Variants in CHRM3 observed in about 807,000 individuals in gnomAD.
CHRM3 encodes cholinergic receptor muscarinic 3.
CHRM3 carries 11 observed loss-of-function variants against 41.8 expected under a neutral mutation model. That is an observed-to-expected ratio of 0.26 (90% CI 0.17 to 0.44). The LOEUF (loss-of-function observed/expected upper bound fraction) is 0.44. CHRM3 is among the 20% of genes least tolerant of loss of function. CHRM3 has a pLI of 1.00. For missense variants in CHRM3, 571 were observed against 745.4 expected (o/e 0.77, Z 2.72); for synonymous variants, 297 against 301.4 (o/e 0.99, Z 0.15).
intron 6 of CHRM3, among the ~76,000 whole-genome samples, chr1:239,851,866 A>G (rs919793715): frequency 3.9e-5 from 6 of 152,124 alleles, no homozygotes; most frequent in African/African-American, 1.4e-4. Context: ...AGGCTTTCCT[A>G]TCATCTCGTA....
chr1:239,844,044 A>ATAT (rs1674063303), intron 6 of CHRM3, among the ~76,000 whole-genome samples: 1 of 152,210 alleles, frequency 6.6e-6, no homozygotes, highest in Admixed American at 6.5e-5. Flanking sequence ...GCTGATTAGC[A>ATAT]TATGCATTAC....
At chr1:239,532,341 G>C (rs1657693562) in intron 2 of CHRM3, among the ~76,000 whole-genome samples, 2 of 147,116 alleles carry the variant, frequency 1.4e-5, no homozygotes, top group Non-Finnish European at 3.0e-5. Context: ...AAATATGTAG[G>C]AGTTGGCCAG....
At chr1:239,580,834 T>A (rs2148588264) in intron 3 of CHRM3, among the ~76,000 whole-genome samples, 1 of 151,248 alleles carries the variant, frequency 6.6e-6, no homozygotes, top group Admixed American at 6.6e-5. Flanking sequence ...GATTTTTACA[T>A]GCAGAAATTT....
intron 2 of CHRM3, among the ~76,000 whole-genome samples, chr1:239,538,089 AG>A (rs1358182290): frequency 3.9e-5 from 6 of 152,234 alleles, no homozygotes; most frequent in African/African-American, 1.4e-4. Context: ...GAAGAAGGAA[AG>A]GAAGAGGGGA....
chr1:239,596,737 A>G (rs1664824205), intron 3 of CHRM3, among the ~76,000 whole-genome samples: 1 of 152,210 alleles, frequency 6.6e-6, no homozygotes, highest in African/African-American at 2.4e-5. Context: ...CACATTCTGA[A>G]CAAACAGATG....
intron 5 of CHRM3, among the ~76,000 whole-genome samples, chr1:239,761,108 G>A (rs685550): frequency 0.7 from 106,570 of 151,742 alleles, 38,387 homozygotes; most frequent in Non-Finnish European, 0.78. Context: ...GTTTCTTTGC[G>A]ATGTTTAATA....
intron 1 of CHRM3, among the ~76,000 whole-genome samples, chr1:239,438,759 G>T (rs1454001341): frequency 6.6e-6 from 1 of 152,130 alleles, no homozygotes; most frequent in Non-Finnish European, 1.5e-5. Context: ...TCTGATAAGT[G>T]TGCATCTAAA....
rs185656442 is a variant in CHRM3, at chr1:239,574,882, T to G, written c.-313+29133T>G. On this transcript the variant is annotated intron_variant, in intron 3 of 6. Coordinates refer to ENST00000676153, the MANE Select transcript of CHRM3 (RefSeq NM_001375978.1). ...AATACCCTGTGGCATATATTAGGCA[T>G]TCAAAATTATTTGTTGAATGGAGGT... Among the ~76,000 whole-genome samples, 815 of 152,248 alleles carry G rather than the reference T, an allele frequency of 5.4e-3. 6 individuals carry two copies. The highest frequency in any genetic ancestry group is 6.7e-3 in the Non-Finnish European group (453 of 68,026).
intron 3 of CHRM3, among the ~76,000 whole-genome samples, chr1:239,608,416 A>G (rs1666601482): frequency 6.6e-6 from 1 of 152,168 alleles, no homozygotes; most frequent in African/African-American, 2.4e-5. Context: ...GTTTTAATAA[A>G]TTAGAATTTC....
chr1:239,811,090 A>T (rs1431385135), intron 5 of CHRM3, among the ~76,000 whole-genome samples: 1 of 152,224 alleles, frequency 6.6e-6, no homozygotes, highest in Non-Finnish European at 1.5e-5. Context: ...CGAACAGTTT[A>T]TGAATTTGAA....
chr1:239,557,018 AT>A (rs1232749672), intron 3 of CHRM3, among the ~76,000 whole-genome samples: 1 of 152,034 alleles, frequency 6.6e-6, no homozygotes, highest in East Asian at 1.9e-4. Flanking sequence ...TTGGACTTTA[AT>A]TTCATTCTTT....
At chr1:239,894,841 T>C (rs890600504) in intron 6 of CHRM3, among the ~76,000 whole-genome samples, 1 of 152,176 alleles carries the variant, frequency 6.6e-6, no homozygotes, top group Admixed American at 6.5e-5. Flanking sequence ...CTTCATTTTC[T>C]GGTGTTGCAC....
At chr1:239,871,096 A>G (rs1391249022) in intron 6 of CHRM3, among the ~76,000 whole-genome samples, 1 of 152,180 alleles carries the variant, frequency 6.6e-6, no homozygotes, top group African/African-American at 2.4e-5. Flanking sequence ...TAGCGACAGA[A>G]GACGTTCAAG....
chr1:239,469,652 G>T (rs1665976232), intron 1 of CHRM3, among the ~76,000 whole-genome samples: 1 of 152,102 alleles, frequency 6.6e-6, no homozygotes, highest in Admixed American at 6.5e-5. Flanking sequence ...TGCCTCCCGA[G>T]TTCAAGCAAT....
chr1:239,671,898 C>T (rs1899614), intron 4 of CHRM3, among the ~76,000 whole-genome samples: 5,472 of 151,990 alleles, frequency 0.036, 359 homozygotes, highest in African/African-American at 0.13. Context: ...GAATATGTCA[C>T]CAAGAAAGAA....
At chr1:239,543,823 A>G (rs1222902651) in intron 2 of CHRM3, among the ~76,000 whole-genome samples, 3 of 152,030 alleles carry the variant, frequency 2.0e-5, no homozygotes, top group Non-Finnish European at 4.4e-5. Context: ...ACCGATTTTT[A>G]TAAGGGGTCA....
chr1:239,724,386 T>C (rs1223007931), intron 5 of CHRM3, among the ~76,000 whole-genome samples: 1 of 151,988 alleles, frequency 6.6e-6, no homozygotes, highest in Non-Finnish European at 1.5e-5. Context: ...TTCTTTTTCT[T>C]TTTATCACCA....
At chr1:239,770,339 A>G (rs574531444) in intron 5 of CHRM3, among the ~76,000 whole-genome samples, 5 of 152,302 alleles carry the variant, frequency 3.3e-5, no homozygotes, top group Admixed American at 6.5e-5. Flanking sequence ...TTTAATCAGT[A>G]ATGCCTGTAG....
intron 1 of CHRM3, among the ~76,000 whole-genome samples, chr1:239,486,803 A>C (rs1667210600): frequency 6.6e-6 from 1 of 152,062 alleles, no homozygotes; most frequent in African/African-American, 2.4e-5. Context: ...TTTGTTTCTG[A>C]TTACCTGTGG....
Sources: gnomAD v4.1 joint callset for allele counts (sites outside exome capture counted in the v4.1 genomes callset) on GRCh38, gnomAD v4.1.1 for gene constraint, MANE v1.5 for transcripts, NCBI Gene and HGNC (gene_info 2026-07-23, HGNC 2026-07-21) for gene names.